Variants in EYA1 observed in about 807,000 individuals in gnomAD.
EYA1 encodes the protein EYA transcriptional coactivator and phosphatase 1, also known as protein phosphatase EYA1.
A neutral mutation model predicts 82.0 loss-of-function variants in EYA1; 16 were observed. The ratio of observed to expected loss-of-function variants is 0.20; its 90% CI spans 0.13 to 0.30. The LOEUF (loss-of-function observed/expected upper bound fraction) is 0.30, where lower values mean the gene tolerates loss of function less well. Ranked by LOEUF, EYA1 falls within the 10% of genes least tolerant of loss-of-function variation. The pLI is 1.00. For synonymous variants in EYA1, 261 were observed against 264.4 expected (o/e 0.99, Z 0.12); for missense variants, 633 against 730.7 (o/e 0.87, Z 1.54).
In EYA1 at chr8:71,414,921, T is replaced by C. The variant is rs115004023; in HGVS notation, c.34-58410A>G. 6.3e-3 allele frequency among the ~76,000 whole-genome samples: 966 copies of C among 152,348 alleles called. 11 individuals are homozygous for C. The highest frequency in any genetic ancestry group is 0.022 in the African/African-American group (935 of 41,584). On this transcript the variant is annotated intron_variant, in intron 2 of 18. Coordinates refer to the EYA1 transcript ENST00000643681. ...CAGTGATTGAAATCTTTGGTTCTAA[T>C]TGAGTTTATGGCTTTCAAGTCAGGA...
chr8:71,389,347 G>A (rs1332431906), intron 2 of EYA1, among the ~76,000 whole-genome samples: 2 of 151,910 alleles, frequency 1.3e-5, no homozygotes, highest in Non-Finnish European at 2.9e-5. Flanking sequence ...GAAGAAAAAC[G>A]TTAGCATATG....
At chr8:71,463,575 TTCTCTCTCTCTCTCTCTCTC>T (rs776367934) in intron 2 of EYA1, among the ~76,000 whole-genome samples, 1,199 of 41,168 alleles carry the variant, frequency 0.029, 43 homozygotes, top group African/African-American at 0.08. Flanking sequence ...AATACATGCT[TTCTCTCTCTCTCTCTCTCTC>T]TCTCTCTCTC....
At position 71,430,365 on chromosome 8, in the gene EYA1, C is replaced by T. The variant is rs143050714; in HGVS notation, c.34-73854G>A. 2.6e-5 allele frequency among the ~76,000 whole-genome samples: 4 copies of T among 152,282 alleles called. No individual in the cohort carries two copies. In the East Asian group the frequency reaches 7.7e-4, roughly 29 times the overall value. On this transcript the variant is annotated intron_variant, in intron 2 of 18. Transcript: ENST00000643681. Reference sequence around the variant, plus strand: ...TACACTACCCAGAGTCACACACAGACAGTCAGTGGCAGAGCTGACATTTGA... The same window carrying T: ...TACACTACCCAGAGTCACACACAGATAGTCAGTGGCAGAGCTGACATTTGA...
intron 2 of EYA1, among the ~76,000 whole-genome samples, chr8:71,465,918 G>A (rs1028923036): frequency 6.6e-6 from 1 of 151,968 alleles, no homozygotes; most frequent in African/African-American, 2.4e-5. Context: ...AGTTTCCAAG[G>A]TGATGGAAAG....
intron 12 of EYA1, among the ~76,000 whole-genome samples, chr8:71,233,663 T>A (rs1811500249): frequency 6.6e-6 from 1 of 152,162 alleles, no homozygotes; most frequent in Non-Finnish European, 1.5e-5. Context: ...TGCATATCAT[T>A]TTATAACATA....
chr8:71,211,195 A>G lies in EYA1; in HGVS notation c.1659T>C (p.Val553=), dbSNP rs774427621. 5.6e-6 allele frequency: 9 copies of G among 1,613,518 alleles called. 1 individual carries two copies. Among genetic ancestry groups the G allele is most frequent in the East Asian group, 4.5e-5 (2 of 44,878 alleles). Residue 553 remains valine (V), a synonymous_variant, in exon 17 of 18, where the codon GTT becomes GTC. Transcript: ENST00000340726. ...QRFGRKVVYV[V]IGDGVEEEQG... is the part of the protein sequence containing the mutation. ...GTTCTTCTTCTACACCATCTCCTAT[A>G]ACAACATACACCACTTTTCTTCCAA...
intron 2 of EYA1, among the ~76,000 whole-genome samples, chr8:71,528,499 A>G (rs1474565745): frequency 6.6e-6 from 1 of 152,186 alleles, no homozygotes; most frequent in Admixed American, 6.5e-5. Flanking sequence ...CTCAGATCAC[A>G]TTCTATCCTG....
intron 2 of EYA1, among the ~76,000 whole-genome samples, chr8:71,355,735 T>G (rs1420070013): frequency 6.6e-6 from 1 of 152,206 alleles, no homozygotes; most frequent in Non-Finnish European, 1.5e-5. Flanking sequence ...TAAAACCAGT[T>G]AAATGCCCTC....
chr8:71,501,387 C>A (rs2129237924), intron 2 of EYA1, among the ~76,000 whole-genome samples: 1 of 152,276 alleles, frequency 6.6e-6, no homozygotes, highest in Admixed American at 6.5e-5. Context: ...TCATTATTTG[C>A]TTGAAATCCT....
chr8:71,242,656 T>C (rs1812613638), intron 12 of EYA1, among the ~76,000 whole-genome samples: 1 of 151,748 alleles, frequency 6.6e-6, no homozygotes, highest in South Asian at 2.1e-4. Context: ...AAAATCTGAT[T>C]ATACTACATT....
intron 1 of EYA1, among the ~76,000 whole-genome samples, chr8:71,536,517 A>T (rs116520158): frequency 0.01 from 1,524 of 152,308 alleles, 17 homozygotes; most frequent in African/African-American, 0.028. Context: ...TTCAAAAAAA[A>T]ATATAGCAAT....
intron 12 of EYA1, among the ~76,000 whole-genome samples, chr8:71,223,606 C>T (rs367768383): frequency 3.2e-4 from 49 of 152,278 alleles, no homozygotes; most frequent in Non-Finnish European, 5.4e-4. Context: ...ACATGGGGCA[C>T]GATCTCACAG....
intron 12 of EYA1, among the ~76,000 whole-genome samples, chr8:71,228,120 A>G (rs535045699): frequency 3.3e-5 from 5 of 152,308 alleles, no homozygotes; most frequent in African/African-American, 1.2e-4. Flanking sequence ...TTTAAAAAGC[A>G]GTTCCCTGTG....
intron 2 of EYA1, among the ~76,000 whole-genome samples, chr8:71,482,313 C>T (rs376860638): frequency 2.0e-5 from 3 of 152,072 alleles, no homozygotes; most frequent in African/African-American, 2.4e-5. Context: ...CATTATTCAC[C>T]GGGAAAATGC....
At chr8:71,503,262 G>A (rs1811946233) in intron 2 of EYA1, among the ~76,000 whole-genome samples, 2 of 152,130 alleles carry the variant, frequency 1.3e-5, no homozygotes, top group African/African-American at 2.4e-5. Context: ...TTGGGAGTCT[G>A]AGGCAGGTGG....
intron 2 of EYA1, among the ~76,000 whole-genome samples, chr8:71,474,821 T>A (rs1809521716): frequency 6.6e-6 from 1 of 152,164 alleles, no homozygotes; most frequent in African/African-American, 2.4e-5. Context: ...AATGGAACAC[T>A]CTGCAATGAC....
At chr8:71,538,105 T>G (rs1055676747) in intron 1 of EYA1, among the ~76,000 whole-genome samples, 1 of 152,196 alleles carries the variant, frequency 6.6e-6, no homozygotes, top group South Asian at 2.1e-4. Flanking sequence ...GATTTCTACA[T>G]GTCAATCCAA....
At chr8:71,299,773 G>T in intron 7 of EYA1, 53 bp from the exon 8 acceptor site, 1 of 961,478 alleles carries the variant, frequency 1.0e-6, no homozygotes, top group South Asian at 1.3e-5. Context: ...GAATAATGTG[G>T]GTACAGGAAA....
intron 2 of EYA1, among the ~76,000 whole-genome samples, chr8:71,428,055 T>C (rs1236447006): frequency 1.3e-5 from 2 of 151,840 alleles, no homozygotes; most frequent in Non-Finnish European, 2.9e-5. Context: ...GGCATATGGG[T>C]GAGTCTGCAT....
Sources: gnomAD v4.1 joint callset for allele counts (sites outside exome capture counted in the v4.1 genomes callset) on GRCh38, gnomAD v4.1.1 for gene constraint, MANE v1.5 for transcripts, NCBI Gene and HGNC (gene_info 2026-07-23, HGNC 2026-07-21) for gene names.